PRORP: variants seen among roughly 807,000 people sequenced by gnomAD.
PRORP encodes protein only RNase P catalytic subunit.
In PRORP, 51 loss-of-function variants were observed where a neutral mutation model predicts 59.4. That is an observed-to-expected ratio of 0.86 (90% CI 0.69 to 1.08). The LOEUF is 1.08. Ranked by LOEUF, PRORP falls within the 50% of genes least tolerant of loss-of-function variation. PRORP has a pLI of 0.00. For synonymous variants in PRORP, 231 were observed against 245.6 expected (o/e 0.94, Z 0.55); for missense variants, 646 against 690.3 (o/e 0.94, Z 0.72).
chr14:35,166,799 T>C (rs1595225761), intron 4 of PRORP, among the ~76,000 whole-genome samples: 1 of 152,296 alleles, frequency 6.6e-6, no homozygotes, highest in East Asian at 1.9e-4. Context: ...CATTGGCCTG[T>C]GATAGACTTT....
intron 5 of PRORP, among the ~76,000 whole-genome samples, chr14:35,258,661 G>C (rs955598841): frequency 6.6e-6 from 1 of 152,066 alleles, no homozygotes; most frequent in African/African-American, 2.4e-5. Context: ...AGGGTGTGGG[G>C]GCGGGGCAGA....
In PRORP at chr14:35,159,041, A is replaced by G. The variant is rs1485083632; in HGVS notation, c.1168-21629A>G. Reference sequence around the variant, plus strand: ...CCAGATTCCAACAGAAGAAATCCACAGAAGAACCACGGTGCTGCTGTTGAC... The same window carrying G: ...CCAGATTCCAACAGAAGAAATCCACGGAAGAACCACGGTGCTGCTGTTGAC... On this transcript the variant is annotated intron_variant, in intron 4 of 7. Coordinates refer to ENST00000534898, the MANE Select transcript of PRORP (RefSeq NM_014672.4). 16 of 283,386 alleles carry G rather than the reference A, an allele frequency of 5.6e-5. No individual in the cohort carries two copies. In the Admixed American group the frequency reaches 7.8e-4, roughly 14 times the overall value. 17.6% of individuals were successfully genotyped at this position (283,386 alleles called of 1,614,324 possible).
intron 5 of PRORP, among the ~76,000 whole-genome samples, chr14:35,193,808 A>G (rs559859905): frequency 1.8e-4 from 28 of 152,220 alleles, no homozygotes; most frequent in Admixed American, 1.2e-3. Flanking sequence ...CTTGACTTTT[A>G]AATACTCTTT....
Position 35,273,684 on chromosome 14 carries a change from T to A in PRORP, c.*118T>A. On this transcript the variant is annotated 3_prime_UTR_variant, in exon 8 of 8. Transcript: ENST00000534898. ...TGTCCTGAAGATAAAAGGATTCTAT[T>A]AACAGCATTGACATTGATTTTTTAA... 1 of 863,360 alleles carries A rather than the reference T, an allele frequency of 1.2e-6. No homozygotes were observed. The highest frequency in any genetic ancestry group is 1.7e-6 in the Non-Finnish European group (1 of 597,072). The allele number at this position is 863,360 out of a possible 1,614,324, so 53.5% of individuals were successfully genotyped here.
chr14:35,121,997 T>G (rs2046920828), upstream of PRORP: 1 of 1,611,522 alleles, frequency 6.2e-7, no homozygotes, highest in Non-Finnish European at 8.5e-7. Context: ...ATTTGCTGTT[T>G]CCTACCTGCT....
chr14:35,181,141 T>A (rs1046118029), intron 5 of PRORP, among the ~76,000 whole-genome samples: 3 of 152,200 alleles, frequency 2.0e-5, no homozygotes, highest in African/African-American at 7.2e-5. Context: ...ATTATCAATA[T>A]ACAATATCAA....
chr14:35,151,912 T>C (rs1205314125), intron 4 of PRORP, among the ~76,000 whole-genome samples: 2 of 150,916 alleles, frequency 1.3e-5, no homozygotes, highest in African/African-American at 4.9e-5. Flanking sequence ...TTTTTTTTCT[T>C]CTTTTTTTTT....
At chr14:35,217,658 A>G (rs2049640986) in intron 5 of PRORP, among the ~76,000 whole-genome samples, 1 of 151,838 alleles carries the variant, frequency 6.6e-6, no homozygotes, top group South Asian at 2.1e-4. Flanking sequence ...TTTTTGGTAT[A>G]TGGATATCTA....
intron 5 of PRORP, among the ~76,000 whole-genome samples, chr14:35,193,341 TGGG>T (rs2048931254): frequency 6.6e-6 from 1 of 152,236 alleles, no homozygotes; most frequent in Non-Finnish European, 1.5e-5. Context: ...ATAGCATGCT[TGGG>T]GCATTGAATA....
At chr14:35,127,436 T>C (rs762579424) in intron 3 of PRORP, 43 bp from the exon 4 acceptor site, 4 of 1,412,778 alleles carry the variant, frequency 2.8e-6, no homozygotes, top group Non-Finnish European at 9.4e-7. Context: ...CAGAACATTA[T>C]TCGACATATT....
chr14:35,263,155 A>G (rs953671103), intron 5 of PRORP: 3 of 718,478 alleles, frequency 4.2e-6, no homozygotes, highest in Non-Finnish European at 4.5e-6. Context: ...ATAAAAATAC[A>G]TAGGACAGAA....
chr14:35,188,941 T>TAA (rs748540239), intron 5 of PRORP, among the ~76,000 whole-genome samples: 10 of 47,472 alleles, frequency 2.1e-4, no homozygotes, highest in East Asian at 5.9e-4. Context: ...AGACTCTGTC[T>TAA]AAAAAAAAAA....
At chr14:35,261,456 C>A (rs573526383) in intron 5 of PRORP, among the ~76,000 whole-genome samples, 19 of 152,258 alleles carry the variant, frequency 1.2e-4, no homozygotes, top group Admixed American at 1.0e-3. Flanking sequence ...AGTAGCCAGG[C>A]GCGGTGGCTC....
At chr14:35,140,266 C>A (rs947333271) in intron 4 of PRORP, among the ~76,000 whole-genome samples, 3 of 144,460 alleles carry the variant, frequency 2.1e-5, no homozygotes, top group Non-Finnish European at 3.1e-5. Flanking sequence ...AGAAACTGCC[C>A]AACTGTTTTC....
At chr14:35,199,951 C>T (rs2049104754) in intron 5 of PRORP, among the ~76,000 whole-genome samples, 2 of 152,082 alleles carry the variant, frequency 1.3e-5, no homozygotes, top group Admixed American at 1.3e-4. Context: ...CAGGAAAACC[C>T]CCTGAAAATT....
In PRORP at chr14:35,276,697, G is replaced by A. The variant is rs1231060105; in HGVS notation, c.*3131G>A. ...ACAAGAAGGAGGAATTATTTTAAAA[G>A]CTGTACTCTTAAATTGTTAGTATCT... On this transcript the variant is annotated 3_prime_UTR_variant, in exon 8 of 8. Transcript: ENST00000534898. 3.8e-4 allele frequency: 58 copies of A among 152,098 alleles called. No individual in the cohort carries two copies. Among genetic ancestry groups the A allele is most frequent in the Admixed American group, 3.8e-3 (58 of 15,248 alleles). 9.4% of individuals were successfully genotyped at this position (152,098 alleles called of 1,614,324 possible).
At chr14:35,203,013 T>A (rs2049196381) in intron 5 of PRORP, among the ~76,000 whole-genome samples, 1 of 152,230 alleles carries the variant, frequency 6.6e-6, no homozygotes, top group Non-Finnish European at 1.5e-5. Context: ...TGGTTTTTGA[T>A]ATTATGTATT....
At chr14:35,266,578 T>C in intron 5 of PRORP, 149 bp from the exon 6 acceptor site, 1 of 815,224 alleles carries the variant, frequency 1.2e-6, no homozygotes, top group South Asian at 1.7e-5. Flanking sequence ...TTCCTCAGGC[T>C]TTCAAAGATG....
intron 4 of PRORP, among the ~76,000 whole-genome samples, chr14:35,157,471 C>G (rs2047944763): frequency 6.6e-6 from 1 of 152,198 alleles, no homozygotes; most frequent in Admixed American, 6.5e-5. Flanking sequence ...ATCCAAACCA[C>G]AGCATTCATT....
Sources: allele counts gnomAD v4.1 joint callset (sites outside exome capture counted in the v4.1 genomes callset), GRCh38; gene constraint gnomAD v4.1.1; transcripts MANE v1.5; gene names NCBI Gene and HGNC (gene_info 2026-07-23, HGNC 2026-07-21).